Variants in MAOA observed in about 807,000 individuals in gnomAD.
MAOA encodes monoamine oxidase A.
Under a neutral mutation model 42.0 loss-of-function variants are expected in MAOA, and 6 were observed. That is an observed-to-expected ratio of 0.14 (90% confidence interval 0.08 to 0.28). The LOEUF (loss-of-function observed/expected upper bound fraction) is 0.28, where lower values mean the gene tolerates loss of function less well. Among genes scored for constraint, MAOA ranks in the 10% least tolerant of loss-of-function variants. The pLI, the probability that MAOA is intolerant of heterozygous loss-of-function variation, is 1.00. For missense variants in MAOA, 262 were observed against 422.3 expected (o/e 0.62, Z 3.33); for synonymous variants, 140 against 154.0 (o/e 0.91, Z 0.67).
intron 1 of MAOA, among the ~76,000 whole-genome samples, chrX:43,676,231 C>T (rs757949369): frequency 2.2e-4 from 25 of 111,896 alleles, no homozygotes; most frequent in Non-Finnish European, 4.0e-4. Context: ...ACGCCATGGG[C>T]GTAGGACCCT....
At chrX:43,692,125 C>T (rs757988327) in intron 2 of MAOA, among the ~76,000 whole-genome samples, 118 of 110,036 alleles carry the variant, frequency 1.1e-3, no homozygotes, top group African/African-American at 3.3e-3. Flanking sequence ...AAAGGATTAA[C>T]CTACTTTTCC....
At chrX:43,704,105 A>C (rs186069776) in intron 3 of MAOA, among the ~76,000 whole-genome samples, 193 of 111,503 alleles carry the variant, frequency 1.7e-3, no homozygotes, top group African/African-American at 5.8e-3. Flanking sequence ...AAACTCTTCC[A>C]AAAAAATACA....
At chrX:43,696,910 G>A (rs1221313811) in intron 3 of MAOA, among the ~76,000 whole-genome samples, 4 of 111,777 alleles carry the variant, frequency 3.6e-5, no homozygotes, top group Admixed American at 1.9e-4. Flanking sequence ...AACACATACC[G>A]TGCCTACACT....
chrX:43,683,507 C>A lies in MAOA; in HGVS notation c.74-6C>A. 1 of 1,201,637 alleles carries A rather than the reference C, an allele frequency of 8.3e-7. No homozygotes were observed. Among genetic ancestry groups the A allele is most frequent in the Non-Finnish European group, 1.1e-6 (1 of 886,952 alleles). ...GTTACGTTGCTCTTTTTTGTTTTTC[C>A]TTTAGGACTATCTGCTGCCAAACTC... On this transcript the variant is annotated splice_polypyrimidine_tract_variant and splice_region_variant and intron_variant, in intron 1 of 14. Coordinates refer to ENST00000338702, the MANE Select transcript of MAOA (RefSeq NM_000240.4).
At chrX:43,682,500 G>A (rs1193272534) in intron 1 of MAOA, among the ~76,000 whole-genome samples, 1 of 111,965 alleles carries the variant, frequency 8.9e-6, no homozygotes, top group East Asian at 2.8e-4. Context: ...ATGACATAGT[G>A]TTGGATTATA....
chrX:43,693,075 CTT>C (rs1196830039), intron 2 of MAOA, among the ~76,000 whole-genome samples: 1 of 112,205 alleles, frequency 8.9e-6, no homozygotes, highest in Non-Finnish European at 1.9e-5. Flanking sequence ...TTACCAATAA[CTT>C]TACCAAATGA....
At chrX:43,731,594 C>A in intron 7 of MAOA, 100 bp from the exon 8 acceptor site, 1 of 938,447 alleles carries the variant, frequency 1.1e-6, no homozygotes, top group African/African-American at 1.9e-5. Context: ...TATGTTTTTA[C>A]TGCTCAATGT....
chrX:43,736,886 A>C (rs2033924322), intron 10 of MAOA, among the ~76,000 whole-genome samples: 1 of 110,386 alleles, frequency 9.1e-6, no homozygotes, highest in Non-Finnish European at 1.9e-5. Context: ...TTAACATCAG[A>C]GTTATTTGGC....
chrX:43,678,416 A>C (rs185698857), intron 1 of MAOA, among the ~76,000 whole-genome samples: 1 of 112,646 alleles, frequency 8.9e-6, no homozygotes, highest in Non-Finnish European at 1.9e-5. Context: ...GCATAATAAA[A>C]TGTGAAAAAA....
chrX:43,728,457 A>G (rs1484121907), intron 6 of MAOA, 143 bp downstream of exon 6: 27 of 695,729 alleles, frequency 3.9e-5, no homozygotes, highest in Non-Finnish European at 5.7e-5. Flanking sequence ...GATTTTCTGA[A>G]AAAAAAATTT....
chrX:43,735,726 C>T (rs1205187021), intron 9 of MAOA, among the ~76,000 whole-genome samples: 1 of 112,830 alleles, frequency 8.9e-6, no homozygotes, highest in African/African-American at 3.2e-5. Flanking sequence ...GGGGTGGGAC[C>T]TTGAGCGAGG....
intron 1 of MAOA, among the ~76,000 whole-genome samples, chrX:43,681,743 C>G (rs1363061400): frequency 9.1e-6 from 1 of 109,871 alleles, no homozygotes; most frequent in Admixed American, 9.8e-5. Flanking sequence ...ATGTTTATCT[C>G]TGTAATAATG....
chrX:43,718,705 A>T, intron 5 of MAOA, among the ~76,000 whole-genome samples: 1 of 109,888 alleles, frequency 9.1e-6, no homozygotes, highest in Middle Eastern at 4.8e-3. Context: ...GTGTGGCAGG[A>T]TATATTTTCC....
chrX:43,681,878 A>ATTTTTTTT (rs1282241261), intron 1 of MAOA, among the ~76,000 whole-genome samples: 1 of 80,385 alleles, frequency 1.2e-5, no homozygotes, highest in Non-Finnish European at 2.3e-5. Flanking sequence ...ATATATATAT[A>ATTTTTTTT]TATTTTTTTT....
At chrX:43,668,805 C>A (rs1418237804) in intron 1 of MAOA, among the ~76,000 whole-genome samples, 2 of 111,845 alleles carry the variant, frequency 1.8e-5, no homozygotes, top group Non-Finnish European at 3.8e-5. Context: ...GCTGGCCATG[C>A]TATTTTTCCA....
chrX:43,694,125 G>A (rs1002511078), intron 3 of MAOA, among the ~76,000 whole-genome samples: 2 of 111,585 alleles, frequency 1.8e-5, no homozygotes, highest in African/African-American at 6.5e-5. Context: ...CTGGAAACAT[G>A]CCTTGAGAAA....
chrX:43,683,823 C>A (rs1331556352), intron 2 of MAOA, among the ~76,000 whole-genome samples: 1 of 110,962 alleles, frequency 9.0e-6, no homozygotes, highest in East Asian at 2.8e-4. Flanking sequence ...GGAGTGAATT[C>A]AAAAAACATG....
chrX:43,701,117 A>G lies in MAOA; in HGVS notation c.306+7689A>G, dbSNP rs1369220460. Among the ~76,000 whole-genome samples, 4 of 112,368 alleles carry G rather than the reference A, an allele frequency of 3.6e-5. No homozygotes were observed. The East Asian group carries it at 1.1e-3, about 32-fold the overall frequency. On this transcript the variant is annotated intron_variant, in intron 3 of 14. Coordinates refer to ENST00000338702, the MANE Select transcript of MAOA (RefSeq NM_000240.4). ...TATCCAGTATCCAGTATAAGGATAT[A>G]TGAAGATAGCTGGTAAAAAATAGTT...
At chrX:43,661,282 C>G (rs1017850337) in intron 1 of MAOA, among the ~76,000 whole-genome samples, 9 of 111,496 alleles carry the variant, frequency 8.1e-5, no homozygotes, top group African/African-American at 2.0e-4. Context: ...TAAGGTACTT[C>G]TATCTTCTGG....
Sources: allele counts gnomAD v4.1 joint callset (sites outside exome capture counted in the v4.1 genomes callset), GRCh38; gene constraint gnomAD v4.1.1; transcripts MANE v1.5; gene names NCBI Gene and HGNC (gene_info 2026-07-23, HGNC 2026-07-21).